Variants in RBP3 observed in about 807,000 individuals in gnomAD.
RBP3 encodes the protein retinol-binding protein 3.
In RBP3, 50 loss-of-function variants were observed where a neutral mutation model predicts 64.8. The observed-to-expected ratio is 0.77, with a 90% CI of 0.61 to 0.98. RBP3 has a LOEUF of 0.98. RBP3 is among the 50% of genes least tolerant of loss of function. The pLI is 0.00. For synonymous variants in RBP3, 828 were observed against 730.2 expected (o/e 1.13, Z -2.16); for missense variants, 1,712 against 1,660.5 (o/e 1.03, Z -0.54).
In RBP3 at chr10:47,350,946, C is replaced by T. The variant is rs782069869; in HGVS notation, c.2462C>T (p.Thr821Met). 95 of 1,612,798 alleles carry T rather than the reference C, an allele frequency of 5.9e-5. No individual in the cohort carries two copies. The highest frequency in any genetic ancestry group is 7.8e-5 in the Non-Finnish European group (92 of 1,180,008). Reference sequence around the variant, plus strand: ...TTTGACAGGGCCACCTCAAAAGTCACGGAGGTGTGGACCTTGCCCCAGGTC... The same window carrying T: ...TTTGACAGGGCCACCTCAAAAGTCATGGAGGTGTGGACCTTGCCCCAGGTC... ...SVFDRATSKV[T>M]EVWTLPQVAG... is the part of the protein sequence containing the mutation. Residue 821 changes from threonine to methionine, a missense_variant, in exon 1 of 4, where the codon ACG becomes ATG. Thr to Met is a moderately conservative substitution (Grantham distance 81, BLOSUM62 -1). Transcript: ENST00000584701.
chr10:47,353,438 C>T lies in RBP3; in HGVS notation c.3168C>T (p.Leu1056=). ...RFDMFGDGEL[L]TQVSRLLVEH... is the part of the protein sequence containing the mutation. Reference sequence around the variant, plus strand: ...ACATGTTTGGGGACGGTGAGCTGCTCACCCAGGTCTCCAGGCTGCTGGTGG... The same window carrying T: ...ACATGTTTGGGGACGGTGAGCTGCTTACCCAGGTCTCCAGGCTGCTGGTGG... The change falls in exon 2 of 4, where the codon CTC becomes CTT. Residue 1056 remains leucine (L), a synonymous_variant. Transcript: ENST00000584701. The T allele has an allele frequency of 2.5e-6, 4 of 1,614,168 alleles. No homozygotes were observed. The highest frequency in any genetic ancestry group is 3.4e-6 in the Non-Finnish European group (4 of 1,180,038).
At position 47,357,709 on chromosome 10, in the gene RBP3, T is replaced by C; in HGVS notation, c.*252T>C. The C allele has an allele frequency of 2.6e-6, 1 of 378,194 alleles. No homozygotes were observed. The highest frequency in any genetic ancestry group is 4.1e-5 in the East Asian group (1 of 24,552). The allele number at this position is 378,194 out of a possible 1,614,324, so 23.4% of individuals were successfully genotyped here. A position where few individuals can be genotyped will look rare whatever the true frequency, so the allele number is the denominator to read the frequency against. Reference sequence around the variant, plus strand: ...CACCTAAATTTTAACAAAGGTTCCTTCTAAGTGGTAGAACTTGGGGTGGTA... The same window carrying C: ...CACCTAAATTTTAACAAAGGTTCCTCCTAAGTGGTAGAACTTGGGGTGGTA... On this transcript the variant is annotated 3_prime_UTR_variant, in exon 4 of 4. Coordinates refer to ENST00000584701, the MANE Select transcript of RBP3 (RefSeq NM_002900.3).
intron 2 of RBP3, among the ~76,000 whole-genome samples, chr10:47,354,134 C>G (rs1291234486): frequency 6.6e-6 from 1 of 152,250 alleles, no homozygotes; most frequent in Non-Finnish European, 1.5e-5. Flanking sequence ...CAGCTAGCCA[C>G]CTCCCCTCTG....
chr10:47,350,239 C>G lies in RBP3; in HGVS notation c.1755C>G (p.Pro585=), dbSNP rs150933435. 9 of 1,607,868 alleles carry G rather than the reference C, an allele frequency of 5.6e-6. No individual in the cohort carries two copies. The East Asian group carries it at 1.3e-4, about 24-fold the overall frequency. The stretch of plus-strand genomic sequence containing the variant: ...GCACGGTGCCGCTGCTGGACACACC[C>G]GAAGGCAGCCTCGCGCTCACCGTGC... ...HTRTVPLLDT[P]EGSLALTVPV... Residue 585 remains proline, a synonymous_variant, in exon 1 of 4, where the codon CCC becomes CCG. Coordinates refer to ENST00000584701, the MANE Select transcript of RBP3 (RefSeq NM_002900.3).
rs373375563 is a variant in RBP3, at chr10:47,351,378, T to C, written c.2894T>C (p.Leu965Pro). ...AELGAKMATKLSGLQSRYSRV... is the reference protein window; with the variant it reads ...AELGAKMATKPSGLQSRYSRV... ...CTGGGGGCCAAGATGGCCACCAAAC[T>C]GAGCGGTCTGCAGAGCCGCTACTCC... is the stretch of plus-strand genomic sequence containing the variant. The change falls in exon 1 of 4, where the codon CTG becomes CCG. Residue 965 changes from leucine (L) to proline (P), a missense_variant. Transcript: ENST00000584701. The C allele has an allele frequency of 2.5e-6, 4 of 1,613,550 alleles. No homozygotes were observed. The highest frequency in any genetic ancestry group is 3.4e-6 in the Non-Finnish European group (4 of 1,179,998).
chr10:47,357,875 A>G lies in RBP3; in HGVS notation c.*418A>G, dbSNP rs1837072657. The G allele has an allele frequency of 1.3e-5, 2 of 158,402 alleles. No homozygotes were observed. Among genetic ancestry groups the G allele is most frequent in the South Asian group, 1.9e-4 (1 of 5,306 alleles). The allele number at this position is 158,402 out of a possible 1,614,324, so 9.8% of individuals were successfully genotyped here. A position where few individuals can be genotyped will look rare whatever the true frequency, so the allele number is the denominator to read the frequency against. ...AATAAATTATATACCCGAGCCATTA[A>G]CCACAATTTAGTGATCACTAGTGGT... On this transcript the variant is annotated 3_prime_UTR_variant, in exon 4 of 4. Transcript: ENST00000584701.
Position 47,357,448 on chromosome 10 carries a change from C to A in RBP3, c.3735C>A (p.Asp1245Glu), listed in dbSNP as rs782561773. ...TGAAGCGGAGCCCAGGCCTGCAGGA[C>A]CACCTGTAGGGAAGGGCCCCATAGG... ...LRVKRSPGLQ[D>E]HL The change falls in exon 4 of 4, where the codon GAC becomes GAA. Residue 1245 changes from aspartate (D) to glutamate (E), a missense_variant. By Grantham distance (45) the Asp-to-Glu change is conservative. Transcript: ENST00000584701. The A allele has an allele frequency of 2.5e-6, 4 of 1,610,388 alleles. No homozygotes were observed. The South Asian group carries it at 4.4e-5, about 18-fold the overall frequency.
intron 1 of RBP3, 72 bp from the exon 2 acceptor site, chr10:47,353,253 T>C: frequency 1.4e-6 from 2 of 1,408,326 alleles, no homozygotes; most frequent in East Asian, 2.3e-5. Context: ...ATATTTCCCA[T>C]GGCGCCTGCT....
rs1555212065 is a variant in RBP3, at chr10:47,357,278, T to C, written c.3565T>C (p.Tyr1189His). Residue 1189 changes from tyrosine (Y) to histidine (H), a missense_variant, in exon 4 of 4, where the codon TAC becomes CAC. Coordinates refer to ENST00000584701, the MANE Select transcript of RBP3 (RefSeq NM_002900.3). ...CTACCACGTGGATGACACCAACCTCTACCTCACTATCCCCACGGCCCGTTC... is the reference window on the plus strand; with the variant it reads ...CTACCACGTGGATGACACCAACCTCCACCTCACTATCCCCACGGCCCGTTC... ...QTYHVDDTNLYLTIPTARSVG... is the reference protein window; with the variant it reads ...QTYHVDDTNLHLTIPTARSVG... The C allele has an allele frequency of 6.2e-7, 1 of 1,614,132 alleles. No individual in the cohort carries two copies.
chr10:47,354,898 G>A (rs945035368), intron 2 of RBP3, among the ~76,000 whole-genome samples: 3 of 152,184 alleles, frequency 2.0e-5, no homozygotes, highest in African/African-American at 7.2e-5. Context: ...CCACAAGCCT[G>A]AATATTTCAA....
At chr10:47,354,278 C>T (rs550820552) in intron 2 of RBP3, among the ~76,000 whole-genome samples, 1 of 152,294 alleles carries the variant, frequency 6.6e-6, no homozygotes, top group Non-Finnish European at 1.5e-5. Context: ...CATGCCCCAG[C>T]ACCCTCCCTG....
rs782155059 is a variant in RBP3, at chr10:47,350,092, G to T, written c.1608G>T (p.Gly536=). 2.5e-6 allele frequency: 4 copies of T among 1,613,048 alleles called. No individual in the cohort carries two copies. Among genetic ancestry groups the T allele is most frequent in the Admixed American group, 3.3e-5 (2 of 60,018 alleles). The change falls in exon 1 of 4, where the codon GGG becomes GGT. Residue 536 remains glycine (G), a synonymous_variant. Coordinates refer to ENST00000584701, the MANE Select transcript of RBP3 (RefSeq NM_002900.3). ...LPGPRYSTQR[G]VYLLTSHRTA... ...GCCCACGCTACAGCACCCAACGTGG[G>T]GTGTATCTGCTCACCAGCCACCGCA...
Position 47,351,487 on chromosome 10 carries a change from C to T in RBP3, c.3003C>T (p.Ala1001=), listed in dbSNP as rs372268050. 20 of 1,613,700 alleles carry T rather than the reference C, an allele frequency of 1.2e-5. No individual in the cohort carries two copies. Among genetic ancestry groups the T allele is most frequent in the Non-Finnish European group, 1.4e-5 (17 of 1,180,044 alleles). ...CCGGAGACCCACACCTGAAGGCAGC[C>T]CATATCCCTGAGAATGCCAAGGACC... ...MLSGDPHLKA[A]HIPENAKDRI... is the part of the protein sequence containing the mutation. The change falls in exon 1 of 4, where the codon GCC becomes GCT. Residue 1001 remains alanine (A), a synonymous_variant. Coordinates refer to ENST00000584701, the MANE Select transcript of RBP3 (RefSeq NM_002900.3).
chr10:47,355,458 A>G lies in RBP3; in HGVS notation c.3328A>G (p.Lys1110Glu). The change falls in exon 3 of 4, where the codon AAG (lysine) becomes GAG (glutamate). Residue 1110 changes from lysine (K) to glutamate (E), a missense_variant. Lys to Glu is a moderately conservative substitution (Grantham distance 56, BLOSUM62 1). Transcript: ENST00000584701. ...FDEGPPVLLDKIYSRPDDSVS... is the reference protein window; with the variant it reads ...FDEGPPVLLDEIYSRPDDSVS... Reference sequence around the variant, plus strand: ...TGAAGGCCCTCCAGTTCTGCTGGACAAGATCTACAGCCGGCCTGATGACTC... The same window carrying G: ...TGAAGGCCCTCCAGTTCTGCTGGACGAGATCTACAGCCGGCCTGATGACTC... 6.2e-7 allele frequency: 1 copy of G among 1,614,212 alleles called. No individual in the cohort carries two copies. Among genetic ancestry groups the G allele is most frequent in the Non-Finnish European group, 8.5e-7 (1 of 1,180,044 alleles).
At position 47,357,505 on chromosome 10, in the gene RBP3, C is replaced by G. The variant is rs1414359810; in HGVS notation, c.*48C>G. On this transcript the variant is annotated 3_prime_UTR_variant, in exon 4 of 4. Coordinates refer to ENST00000584701, the MANE Select transcript of RBP3 (RefSeq NM_002900.3). Reference sequence around the variant, plus strand: ...CCCAGGGCAGACAGAACCTCTGGGACACACACCAAGGGCACTCCTGCAGGT... The same window carrying G: ...CCCAGGGCAGACAGAACCTCTGGGAGACACACCAAGGGCACTCCTGCAGGT... 6.5e-7 allele frequency: 1 copy of G among 1,537,608 alleles called. No individual in the cohort carries two copies. Among genetic ancestry groups the G allele is most frequent in the African/African-American group, 1.4e-5 (1 of 72,924 alleles).
Position 47,355,366 on chromosome 10 carries a change from C to T in RBP3, c.3246-10C>T. The T allele has an allele frequency of 6.2e-7, 1 of 1,613,570 alleles. No individual in the cohort carries two copies. The highest frequency in any genetic ancestry group is 8.5e-7 in the Non-Finnish European group (1 of 1,180,036). ...CAGCCCCTGAACAGGCTCTGCTTCC[C>T]ATCCTTCAGGTTCAACATCGGTGGC... On this transcript the variant is annotated splice_polypyrimidine_tract_variant and intron_variant, in intron 2 of 3. Coordinates refer to ENST00000584701, the MANE Select transcript of RBP3 (RefSeq NM_002900.3).
In RBP3 at chr10:47,349,450, G is replaced by T. The variant is rs868968793; in HGVS notation, c.966G>T (p.Leu322=). The T allele has an allele frequency of 1.9e-6, 3 of 1,612,560 alleles. No homozygotes were observed. The Middle Eastern group carries it at 4.9e-4, about 266-fold the overall frequency. Residue 322 remains leucine, a synonymous_variant, in exon 1 of 4, where the codon CTG becomes CTT. Transcript: ENST00000584701. ...AGAAAGCCCTGGCCATCCTCACTCT[G>T]CGCAGCGCCCTTCCAGGGGTAGTCC... ...ALEKALAILT[L]RSALPGVVHC... is the part of the protein sequence containing the mutation.
chr10:47,357,311 G>T lies in RBP3; in HGVS notation c.3598G>T (p.Ala1200Ser). ...LTIPTARSVG[A>S]SDGSSWEGVG... ...TATCCCCACGGCCCGTTCTGTGGGG[G>T]CCTCGGATGGCAGCTCCTGGGAAGG... The change falls in exon 4 of 4, where the codon GCC becomes TCC. Residue 1200 changes from alanine to serine, a missense_variant. Ala to Ser is a moderately conservative substitution (Grantham distance 99). Transcript: ENST00000584701. 2 of 1,614,176 alleles carry T rather than the reference G, an allele frequency of 1.2e-6. No homozygotes were observed. The highest frequency in any genetic ancestry group is 2.2e-5 in the East Asian group (1 of 44,876).
chr10:47,349,717 G>A lies in RBP3; in HGVS notation c.1233G>A (p.Val411=), dbSNP rs1555211178. 1 of 1,612,098 alleles carries A rather than the reference G, an allele frequency of 6.2e-7. No homozygotes were observed. Among genetic ancestry groups the A allele is most frequent in the Admixed American group, 1.7e-5 (1 of 60,024 alleles). The part of the protein sequence containing the change: ...PDAAAEDSPG[V]APELPEDEAI... ...CTGCAGCCGAAGACTCACCAGGGGT[G>A]GCCCCAGAGTTGCCTGAGGACGAGG... The change falls in exon 1 of 4, where the codon GTG becomes GTA. Residue 411 remains valine (V), a synonymous_variant. Transcript: ENST00000584701.
Sources: allele counts gnomAD v4.1 joint callset (sites outside exome capture counted in the v4.1 genomes callset), GRCh38; gene constraint gnomAD v4.1.1; transcripts MANE v1.5; gene names NCBI Gene and HGNC (gene_info 2026-07-23, HGNC 2026-07-21).